OR1J2: variants seen among roughly 807,000 people sequenced by gnomAD.
The protein encoded by OR1J2 is olfactory receptor family 1 subfamily J member 2.
For missense variants in OR1J2, 304 were observed against 246.1 expected, an observed-to-expected ratio of 1.24 and a Z score of -1.57; for synonymous variants, 142 against 99.7, an observed-to-expected ratio of 1.42 and a Z score of -2.52.
At chr9:122,496,669 A>G in the OR1J2 span, among the ~76,000 whole-genome samples, 3,961 of 152,242 alleles carry the variant, frequency 0.026, 158 homozygotes, top group African/African-American at 0.089. Flanking sequence ...TAACATATGT[A>G]AGATGAACAT....
the OR1J2 span, among the ~76,000 whole-genome samples, chr9:122,448,062 G>A: frequency 5.9e-5 from 9 of 152,212 alleles, no homozygotes; most frequent in South Asian, 6.2e-4. Flanking sequence ...CTCAGCCTGC[G>A]GAGGACTTGC....
At chr9:122,578,683 TAAGTA>T in the OR1J2 span, among the ~76,000 whole-genome samples, 20,442 of 151,852 alleles carry the variant, frequency 0.13, 1,473 homozygotes, top group Middle Eastern at 0.2. Context: ...ACAATTTTCC[TAAGTA>T]AAGTAAAGTA....
At chr9:122,452,792 G>T in the OR1J2 span, among the ~76,000 whole-genome samples, 1 of 151,954 alleles carries the variant, frequency 6.6e-6, no homozygotes, top group South Asian at 2.1e-4. Context: ...ACTTTGGGAG[G>T]CCGAAGCTGG....
chr9:122,484,223 G>A, the OR1J2 span, among the ~76,000 whole-genome samples: 1 of 152,154 alleles, frequency 6.6e-6, no homozygotes, highest in African/African-American at 2.4e-5. Flanking sequence ...GTGCGGTGGT[G>A]CGATCTCGGC....
the OR1J2 span, chr9:122,520,219 CTT>C: frequency 1.8e-6 from 1 of 569,450 alleles, no homozygotes; most frequent in Non-Finnish European, 3.0e-6. Context: ...GTTATTCTCC[CTT>C]TTCCTCTTTA....
chr9:122,494,127 A>G, the OR1J2 span, among the ~76,000 whole-genome samples: 7 of 152,248 alleles, frequency 4.6e-5, no homozygotes, highest in East Asian at 1.3e-3. Context: ...AGAATGCTCC[A>G]TGTGCTGATG....
chr9:122,473,369 G>A, the OR1J2 span, among the ~76,000 whole-genome samples: 7 of 152,126 alleles, frequency 4.6e-5, no homozygotes, highest in African/African-American at 1.4e-4. Context: ...CCCTAGAGAC[G>A]TGCAATGGAT....
chr9:122,507,042 T>C (rs1449847104), upstream of OR1J2, among the ~76,000 whole-genome samples: 10 of 152,206 alleles, frequency 6.6e-5, no homozygotes, highest in Admixed American at 6.5e-4. Flanking sequence ...ATAATTTTTC[T>C]TTGATGACAA....
At chr9:122,520,197 C>A in the OR1J2 span, 1 of 650,054 alleles carries the variant, frequency 1.5e-6, no homozygotes, top group Non-Finnish European at 2.5e-6. Context: ...ACTTGAATTG[C>A]ATCCTGTTAC....
the OR1J2 span, among the ~76,000 whole-genome samples, chr9:122,558,179 T>G: frequency 1.1e-5 from 1 of 94,064 alleles, no homozygotes; most frequent in East Asian, 1.1e-3. Context: ...TTGTTGATTT[T>G]CTTTAATAAT....
chr9:122,483,265 T>TA, the OR1J2 span, among the ~76,000 whole-genome samples: 3 of 152,154 alleles, frequency 2.0e-5, no homozygotes, highest in East Asian at 1.9e-4. Context: ...ATAGATGCTG[T>TA]AAAAAATTGC....
chr9:122,551,943 A>G, the OR1J2 span, among the ~76,000 whole-genome samples: 2 of 151,050 alleles, frequency 1.3e-5, no homozygotes. Context: ...TTTATTATGA[A>G]TTATCCATCC....
At chr9:122,539,222 CTCG>C in the OR1J2 span, among the ~76,000 whole-genome samples, 1 of 152,092 alleles carries the variant, frequency 6.6e-6, no homozygotes, top group Non-Finnish European at 1.5e-5. Context: ...CACCCATTAA[CTCG>C]TCATTTAACA....
At chr9:122,552,387 TA>T in the OR1J2 span, among the ~76,000 whole-genome samples, 8 of 152,216 alleles carry the variant, frequency 5.3e-5, no homozygotes, top group African/African-American at 1.9e-4. Flanking sequence ...TAGATAAATG[TA>T]GTACAAATGT....
chr9:122,519,173 G>A, the OR1J2 span: 1 of 1,611,768 alleles, frequency 6.2e-7, no homozygotes, highest in Non-Finnish European at 8.5e-7. Context: ...GTGTGTCTGA[G>A]TTCCTCCTCC....
the OR1J2 span, among the ~76,000 whole-genome samples, chr9:122,454,544 A>G: frequency 2.6e-5 from 4 of 151,072 alleles, 1 homozygote; most frequent in South Asian, 6.2e-4. Context: ...CTTCCTTTCC[A>G]GGTATTATTT....
chr9:122,570,999 C>T, the OR1J2 span, among the ~76,000 whole-genome samples: 2 of 152,234 alleles, frequency 1.3e-5, no homozygotes, highest in Middle Eastern at 3.4e-3. Flanking sequence ...AAAATTTGAA[C>T]CTTAAGCCTC....
chr9:122,480,919 C>T, the OR1J2 span, among the ~76,000 whole-genome samples: 30 of 152,166 alleles, frequency 2.0e-4, no homozygotes, highest in African/African-American at 7.2e-4. Context: ...CTCAGCCTCC[C>T]GAGTAGCTGG....
chr9:122,512,452 G>A (rs1282386710), downstream of OR1J2, among the ~76,000 whole-genome samples: 1 of 152,198 alleles, frequency 6.6e-6, no homozygotes, highest in Non-Finnish European at 1.5e-5. Context: ...GCTGCCACAT[G>A]CAACAATGCT....
Sources: gnomAD v4.1 joint callset for allele counts (sites outside exome capture counted in the v4.1 genomes callset) on GRCh38, gnomAD v4.1.1 for gene constraint, MANE v1.5 for transcripts, NCBI Gene and HGNC (gene_info 2026-07-23, HGNC 2026-07-21) for gene names.